KCTD8: variants seen among roughly 807,000 people sequenced by gnomAD.
The protein encoded by KCTD8 is BTB/POZ domain-containing protein KCTD8.
KCTD8 carries 27 observed loss-of-function variants against 31.5 expected under a neutral mutation model. The ratio of observed to expected loss-of-function variants is 0.86; its 90% confidence interval spans 0.63 to 1.18. The LOEUF (loss-of-function observed/expected upper bound fraction) is 1.18, where lower values mean the gene tolerates loss of function less well. Ranked by LOEUF, KCTD8 falls within the 50% of genes most tolerant of loss-of-function variation. KCTD8 has a pLI of 0.00. For missense variants in KCTD8, 658 were observed against 647.7 expected (o/e 1.02, Z -0.17); for synonymous variants, 290 against 280.0 (o/e 1.04, Z -0.36).
chr4:44,238,304 T>C (rs768840958), intron 1 of KCTD8, among the ~76,000 whole-genome samples: 8 of 152,106 alleles, frequency 5.3e-5, no homozygotes, highest in Non-Finnish European at 1.2e-4. Context: ...TGGTGTTATA[T>C]TTTCTCATGG....
chr4:44,322,807 G>T (rs891280300), intron 1 of KCTD8, among the ~76,000 whole-genome samples: 6 of 152,002 alleles, frequency 3.9e-5, no homozygotes, highest in Admixed American at 2.0e-4. Context: ...TCTGCATATA[G>T]ATATCTAGTT....
At chr4:44,307,947 A>G (rs1717849874) in intron 1 of KCTD8, among the ~76,000 whole-genome samples, 1 of 152,066 alleles carries the variant, frequency 6.6e-6, no homozygotes, top group South Asian at 2.1e-4. Flanking sequence ...AATTACAAAA[A>G]GACTGATATC....
chr4:44,403,898 T>C (rs1348352644), intron 1 of KCTD8, among the ~76,000 whole-genome samples: 6 of 152,196 alleles, frequency 3.9e-5, no homozygotes, highest in Non-Finnish European at 5.9e-5. Context: ...TTACAGTGTT[T>C]GTAATATTTC....
At chr4:44,311,433 A>G (rs1361168747) in intron 1 of KCTD8, among the ~76,000 whole-genome samples, 1 of 152,094 alleles carries the variant, frequency 6.6e-6, no homozygotes, top group African/African-American at 2.4e-5. Context: ...AAAATTGTTC[A>G]TTCAACCTCA....
At chr4:44,249,711 T>A (rs1715769662) in intron 1 of KCTD8, among the ~76,000 whole-genome samples, 2 of 151,572 alleles carry the variant, frequency 1.3e-5, no homozygotes, top group Admixed American at 1.3e-4. Flanking sequence ...ATAAATAAAT[T>A]ATTAGTATTT....
chr4:44,361,977 G>A (rs1371029601), intron 1 of KCTD8, among the ~76,000 whole-genome samples: 1 of 151,994 alleles, frequency 6.6e-6, no homozygotes, highest in East Asian at 1.9e-4. Flanking sequence ...AAAGAAAAAG[G>A]GTCATTTTAG....
At chr4:44,434,462 T>C (rs551160599) in intron 1 of KCTD8, among the ~76,000 whole-genome samples, 1 of 152,026 alleles carries the variant, frequency 6.6e-6, no homozygotes, top group South Asian at 2.1e-4. Context: ...GTCACACAGT[T>C]ATTAACTAAA....
chr4:44,412,102 G>T (rs1029647847), intron 1 of KCTD8, among the ~76,000 whole-genome samples: 1 of 152,070 alleles, frequency 6.6e-6, no homozygotes, highest in Non-Finnish European at 1.5e-5. Context: ...ACTGGGCAGG[G>T]TAAATAATTT....
At chr4:44,345,774 C>T (rs1187260090) in intron 1 of KCTD8, among the ~76,000 whole-genome samples, 1 of 152,098 alleles carries the variant, frequency 6.6e-6, no homozygotes, top group African/African-American at 2.4e-5. Flanking sequence ...ATCCTCTCAA[C>T]TAGACTCCAT....
chr4:44,321,028 G>T (rs954030205), intron 1 of KCTD8, among the ~76,000 whole-genome samples: 1 of 152,190 alleles, frequency 6.6e-6, no homozygotes, highest in Admixed American at 6.5e-5. Context: ...CCGAGAATCT[G>T]TCCCTTGTAA....
At chr4:44,214,894 G>T (rs113871239) in intron 1 of KCTD8, among the ~76,000 whole-genome samples, 1 of 152,096 alleles carries the variant, frequency 6.6e-6, no homozygotes, top group South Asian at 2.1e-4. Flanking sequence ...TCCCCAAATT[G>T]CTCCTGGGGA....
chr4:44,385,355 T>C (rs1328325716), intron 1 of KCTD8, among the ~76,000 whole-genome samples: 4 of 151,634 alleles, frequency 2.6e-5, no homozygotes, highest in Non-Finnish European at 5.9e-5. Context: ...AAGATAGACA[T>C]ATAGACGAAG....
chr4:44,251,722 A>G (rs1046580753), intron 1 of KCTD8, among the ~76,000 whole-genome samples: 1 of 151,358 alleles, frequency 6.6e-6, no homozygotes, highest in Non-Finnish European at 1.5e-5. Flanking sequence ...AGAATTATGC[A>G]TCTTATAGGT....
chr4:44,199,813 C>A (rs947654843), intron 1 of KCTD8, among the ~76,000 whole-genome samples: 1 of 151,702 alleles, frequency 6.6e-6, no homozygotes, highest in African/African-American at 2.4e-5. Context: ...CAGAGAAGAA[C>A]TGAATGAAAC....
intron 1 of KCTD8, among the ~76,000 whole-genome samples, chr4:44,306,635 G>T (rs748339111): frequency 4.6e-5 from 7 of 151,982 alleles, no homozygotes; most frequent in Non-Finnish European, 8.8e-5. Context: ...TACTCATAGT[G>T]TAATTAATGG....
At chr4:44,412,131 A>C (rs1200010287) in intron 1 of KCTD8, among the ~76,000 whole-genome samples, 1 of 152,170 alleles carries the variant, frequency 6.6e-6, no homozygotes, top group African/African-American at 2.4e-5. Context: ...AATTGAGAGA[A>C]GATATTCATG....
intron 1 of KCTD8, among the ~76,000 whole-genome samples, chr4:44,395,792 C>A (rs1720489123): frequency 6.6e-6 from 1 of 152,002 alleles, no homozygotes; most frequent in African/African-American, 2.4e-5. Context: ...GGTGAGGTTC[C>A]ACCCGCATTT....
At chr4:44,226,526 A>G (rs541111225) in intron 1 of KCTD8, among the ~76,000 whole-genome samples, 2 of 152,278 alleles carry the variant, frequency 1.3e-5, no homozygotes, top group East Asian at 3.9e-4. Flanking sequence ...TTCATAGCAG[A>G]ATAATTTATA....
chr4:44,284,206 A>G (rs1160158021), intron 1 of KCTD8, among the ~76,000 whole-genome samples: 5 of 152,182 alleles, frequency 3.3e-5, no homozygotes, highest in Non-Finnish European at 7.3e-5. Flanking sequence ...AGCTGAACGC[A>G]TCATGTTACC....
Sources: gnomAD v4.1 joint callset for allele counts (sites outside exome capture counted in the v4.1 genomes callset) on GRCh38, gnomAD v4.1.1 for gene constraint, MANE v1.5 for transcripts, NCBI Gene and HGNC (gene_info 2026-07-23, HGNC 2026-07-21) for gene names.